Variants in AVEN observed in about 807,000 individuals in gnomAD.
The protein encoded by AVEN is apoptosis and caspase activation inhibitor.
Under a neutral mutation model 38.1 loss-of-function variants are expected in AVEN, and 41 were observed. The ratio of observed to expected loss-of-function variants is 1.08; its 90% CI spans 0.84 to 1.40. The LOEUF (loss-of-function observed/expected upper bound fraction) is 1.40. Among genes scored for constraint, AVEN ranks in the 40% most tolerant of loss-of-function variants. The probability of loss-of-function intolerance (pLI) is 0.00; values close to 1 mark genes in which losing one functional copy is unlikely to be tolerated. For synonymous variants in AVEN, 206 were observed against 171.8 expected, an observed-to-expected ratio of 1.20 and a Z score of -1.56; for missense variants, 605 against 438.8, an observed-to-expected ratio of 1.38 and a Z score of -3.38.
intron 2 of AVEN, among the ~76,000 whole-genome samples, chr15:33,922,630 A>G (rs553840): frequency 0.96 from 145,365 of 151,966 alleles, 69,768 homozygotes; most frequent in Non-Finnish European, 1. Flanking sequence ...ATGGGGTCTC[A>G]CTATGTTGCC....
At chr15:33,912,002 T>C (rs1037546216) in intron 2 of AVEN, among the ~76,000 whole-genome samples, 3 of 152,192 alleles carry the variant, frequency 2.0e-5, no homozygotes, top group African/African-American at 7.2e-5. Flanking sequence ...TCAAGGAAGA[T>C]TTGTGTCATC....
At chr15:34,036,360 A>C (rs910277549) in intron 1 of AVEN, among the ~76,000 whole-genome samples, 5 of 152,150 alleles carry the variant, frequency 3.3e-5, no homozygotes, top group Non-Finnish European at 7.4e-5. Flanking sequence ...CCAAAATAGA[A>C]AGCAAAGGTG....
chr15:34,033,662 T>C (rs1206867897), intron 1 of AVEN, among the ~76,000 whole-genome samples: 1 of 152,210 alleles, frequency 6.6e-6, no homozygotes, highest in Non-Finnish European at 1.5e-5. Flanking sequence ...TGGTAACCAC[T>C]AAAAAACTTT....
At chr15:33,970,806 A>T (rs922275451) in intron 2 of AVEN, among the ~76,000 whole-genome samples, 2 of 151,972 alleles carry the variant, frequency 1.3e-5, no homozygotes, top group African/African-American at 4.8e-5. Flanking sequence ...ATGTAAACAG[A>T]GACTCATATC....
chr15:33,972,619 AAAAT>A (rs1249927797), intron 2 of AVEN: 1 of 152,264 alleles, frequency 6.6e-6, no homozygotes, highest in African/African-American at 2.4e-5. Context: ...ATATTTGTAA[AAAAT>A]AAATAAAAAT....
chr15:33,934,878 G>A (rs1894000268), intron 2 of AVEN, among the ~76,000 whole-genome samples: 1 of 152,182 alleles, frequency 6.6e-6, no homozygotes. Flanking sequence ...CCTCAACTGT[G>A]AAGGGTAAAT....
chr15:33,978,977 C>T (rs1896016086), intron 2 of AVEN, among the ~76,000 whole-genome samples: 1 of 152,006 alleles, frequency 6.6e-6, no homozygotes, highest in South Asian at 2.1e-4. Flanking sequence ...AATAAAAAAA[C>T]AGACAATAAA....
intron 2 of AVEN, among the ~76,000 whole-genome samples, chr15:33,941,841 G>A (rs1044186253): frequency 1.3e-5 from 2 of 152,172 alleles, no homozygotes; most frequent in African/African-American, 4.8e-5. Flanking sequence ...ACTTGTACAA[G>A]TAGAACACAT....
chr15:34,016,114 T>C (rs1299016447), intron 1 of AVEN, among the ~76,000 whole-genome samples: 1 of 152,102 alleles, frequency 6.6e-6, no homozygotes, highest in Non-Finnish European at 1.5e-5. Context: ...CCGTCTCTAC[T>C]AAAAATACAA....
chr15:34,064,150 A>T (rs760785722), intron 4 of AVEN: 1 of 1,614,218 alleles, frequency 6.2e-7, no homozygotes, highest in South Asian at 1.1e-5. Flanking sequence ...ACCCTGTGGC[A>T]CTTGGGCTAT....
chr15:34,073,609 C>T (rs377622028), intron 1 of AVEN, among the ~76,000 whole-genome samples: 1 of 150,620 alleles, frequency 6.6e-6, no homozygotes. Flanking sequence ...CAACTTCCGC[C>T]TCCCGGGTTC....
In AVEN at chr15:33,866,471, G is replaced by T; in HGVS notation, c.*142C>A. ...ATTCTTTCAGATGTCAAACACAGAG[G>T]TAGGCATTTACTGCTGTGAGCATAA... On this transcript the variant is annotated 3_prime_UTR_variant, in exon 6 of 6. Coordinates refer to ENST00000306730, the MANE Select transcript of AVEN (RefSeq NM_020371.3). 1 of 617,088 alleles carries T rather than the reference G, an allele frequency of 1.6e-6. No homozygotes were observed. Among genetic ancestry groups the T allele is most frequent in the Non-Finnish European group, 2.9e-6 (1 of 346,318 alleles). The allele number at this position is 617,088 out of a possible 1,614,324, so 38.2% of individuals were successfully genotyped here. A position where few individuals can be genotyped will look rare whatever the true frequency, so the allele number is the denominator to read the frequency against.
chr15:33,952,786 C>T (rs533746853), intron 2 of AVEN, among the ~76,000 whole-genome samples: 15 of 150,462 alleles, frequency 1.0e-4, no homozygotes, highest in East Asian at 3.9e-4. Context: ...GGGCACTATA[C>T]GAAGACATCT....
chr15:33,861,325 CTG>C, downstream of AVEN: 1 of 575,900 alleles, frequency 1.7e-6, no homozygotes, highest in East Asian at 3.1e-5. Flanking sequence ...TCCATAGACT[CTG>C]TCTCTCCCAT....
intron 2 of AVEN, among the ~76,000 whole-genome samples, chr15:33,883,226 T>C (rs1315172430): frequency 6.6e-6 from 1 of 152,184 alleles, no homozygotes; most frequent in Non-Finnish European, 1.5e-5. Flanking sequence ...AACTTTAGTA[T>C]TGCAAATGTG....
intron 1 of AVEN, among the ~76,000 whole-genome samples, chr15:34,006,727 C>A (rs1897361993): frequency 6.6e-6 from 1 of 152,122 alleles, no homozygotes; most frequent in African/African-American, 2.4e-5. Flanking sequence ...ATCTCATTAC[C>A]CCTACACAAA....
intron 1 of AVEN, among the ~76,000 whole-genome samples, chr15:34,024,116 A>T (rs1898330387): frequency 6.6e-6 from 1 of 152,196 alleles, no homozygotes; most frequent in South Asian, 2.1e-4. Flanking sequence ...CACAACAAAT[A>T]TCTACTGAGA....
intron 2 of AVEN, among the ~76,000 whole-genome samples, chr15:33,994,798 CTACTCTTAGATAAAGGTG>C (rs1213136409): frequency 1.3e-5 from 2 of 152,254 alleles, no homozygotes; most frequent in East Asian, 1.9e-4. Context: ...TCTATATTCT[CTACTCTTAGATAAAGGTG>C]TACTCTTAGA....
chr15:33,894,377 G>T (rs886248950), intron 2 of AVEN, among the ~76,000 whole-genome samples: 2 of 151,972 alleles, frequency 1.3e-5, no homozygotes, highest in South Asian at 4.2e-4. Flanking sequence ...GGAAGGCACT[G>T]ACAGGCCTTC....
Sources: allele counts gnomAD v4.1 joint callset (sites outside exome capture counted in the v4.1 genomes callset), GRCh38; gene constraint gnomAD v4.1.1; transcripts MANE v1.5; gene names NCBI Gene and HGNC (gene_info 2026-07-23, HGNC 2026-07-21).